The following SKOR2 variants were observed in gnomAD, a reference collection of about 807,000 sequenced individuals.
SKOR2 encodes LBX1 corepressor 1-like protein.
Under a neutral mutation model 69.1 loss-of-function variants are expected in SKOR2, and 47 were observed. The ratio of observed to expected loss-of-function variants is 0.68; its 90% CI spans 0.54 to 0.87. The LOEUF (loss-of-function observed/expected upper bound fraction) is 0.87, where lower values mean the gene tolerates loss of function less well. Ranked by LOEUF, SKOR2 falls within the 40% of genes least tolerant of loss-of-function variation. The probability of loss-of-function intolerance (pLI) is 0.00; values close to 1 mark genes in which losing one functional copy is unlikely to be tolerated. For missense variants in SKOR2, 1,404 were observed against 1,472.2 expected, an observed-to-expected ratio of 0.95 and a Z score of 0.76; for synonymous variants, 717 against 672.6, an observed-to-expected ratio of 1.07 and a Z score of -1.02.
intron 1 of SKOR2, among the ~76,000 whole-genome samples, chr18:47,250,092 C>A (rs2064306047): frequency 6.6e-6 from 1 of 152,148 alleles, no homozygotes; most frequent in Non-Finnish European, 1.5e-5. Flanking sequence ...CAGGAATGAA[C>A]AATTCTTGGG....
chr18:47,246,662 AG>A lies in SKOR2; in HGVS notation c.2521del (p.Leu841TrpfsTer41). The A allele has an allele frequency of 2.7e-6, 4 of 1,468,040 alleles. No individual in the cohort carries two copies. Among genetic ancestry groups the A allele is most frequent in the East Asian group, 2.8e-5 (1 of 36,238 alleles). 90.9% of individuals were successfully genotyped at this position (1,468,040 alleles called of 1,614,324 possible). ...GCCGCCACTCGCCTTCTGGGGGGCC[AG>A]GGGCGGCGGCGGGGGCGGGGGCAGG... ...SDLPPPPPPPLAPQKASGGGS... is the reference protein window; with the variant it reads ...SDLPPPPPPPXAPQKASGGGS... On this transcript the variant is annotated frameshift_variant, in exon 2 of 9. Coordinates refer to ENST00000425639, the MANE Select transcript of SKOR2 (RefSeq NM_001278063.4). LOFTEE classifies it high-confidence loss of function.
chr18:47,247,417 G>T lies in SKOR2; in HGVS notation c.1767C>A (p.Ala589=). ...GGGAGCCCGCGGGGCCAGACCCGGCGGCCGCGGCCCCTGCCCCGGCAGCTG... is the reference window on the plus strand; with the variant it reads ...GGGAGCCCGCGGGGCCAGACCCGGCTGCCGCGGCCCCTGCCCCGGCAGCTG... ...SVAAAGAGAA[A]AGSGPAGSRV... The change falls in exon 2 of 9, where the codon GCC becomes GCA. Residue 589 remains alanine (A), a synonymous_variant. Transcript: ENST00000425639. This position sits in a 1 kb window ranked among gnomAD's most constrained non-coding sequence, Gnocchi z 6.6. 7.7e-7 allele frequency: 1 copy of T among 1,301,544 alleles called. No homozygotes were observed. The highest frequency in any genetic ancestry group is 9.7e-7 in the Non-Finnish European group (1 of 1,027,488). The allele number at this position is 1,301,544 out of a possible 1,614,324, so 80.6% of individuals were successfully genotyped here. A position where few individuals can be genotyped will look rare whatever the true frequency, so the allele number is the denominator to read the frequency against.
intron 4 of SKOR2, among the ~76,000 whole-genome samples, chr18:47,237,897 C>T (rs1047029435): frequency 6.6e-6 from 1 of 152,060 alleles, no homozygotes; most frequent in African/African-American, 2.4e-5. Context: ...AGTCTGGTCT[C>T]GAACTCCTGG....
chr18:47,213,382 T>C (rs2064133839), intron 7 of SKOR2, among the ~76,000 whole-genome samples: 1 of 147,902 alleles, frequency 6.8e-6, no homozygotes, highest in East Asian at 1.9e-4. Flanking sequence ...TATTTATATA[T>C]ATATTTATAT....
rs1050354281 is a variant in SKOR2, at chr18:47,246,603, G to C, written c.2581C>G (p.Pro861Ala). 3.3e-6 allele frequency: 5 copies of C among 1,524,800 alleles called. No individual in the cohort carries two copies. The highest frequency in any genetic ancestry group is 4.4e-6 in the Non-Finnish European group (5 of 1,142,238). The allele number at this position is 1,524,800 out of a possible 1,614,324, so 94.5% of individuals were successfully genotyped here. The change falls in exon 2 of 9, where the codon CCA becomes GCA. Residue 861 changes from proline (P) to alanine (A), a missense_variant. By Grantham distance (27) the Pro-to-Ala change is conservative. Coordinates refer to ENST00000425639, the MANE Select transcript of SKOR2 (RefSeq NM_001278063.4). The part of the protein sequence containing the change: ...SSSPGSPVHH[P>A]SLEEQPSYKD... Reference sequence around the variant, plus strand: ...TAGGAGGGCTGCTCCTCCAGTGATGGATGGTGAACTGGGCTGCCCGGGCTG... The same window carrying C: ...TAGGAGGGCTGCTCCTCCAGTGATGCATGGTGAACTGGGCTGCCCGGGCTG...
chr18:47,220,589 G>A (rs1437083231), intron 6 of SKOR2, among the ~76,000 whole-genome samples: 1 of 152,116 alleles, frequency 6.6e-6, no homozygotes, highest in Non-Finnish European at 1.5e-5. Context: ...TTGTCCTGGT[G>A]CCTTTCTACA....
In SKOR2 at chr18:47,249,283, G is replaced by A. The variant is rs2064302694; in HGVS notation, c.-47-53C>T. On this transcript the variant is annotated intron_variant, in intron 1 of 8. Coordinates refer to ENST00000425639, the MANE Select transcript of SKOR2 (RefSeq NM_001278063.4). ...TTGAGCCTTTTCAGACTAAAACAGAGGGGTGGGATGAATCGCTAACCAAAG... is the reference window on the plus strand; with the variant it reads ...TTGAGCCTTTTCAGACTAAAACAGAAGGGTGGGATGAATCGCTAACCAAAG... 7 of 1,364,480 alleles carry A rather than the reference G, an allele frequency of 5.1e-6. No individual in the cohort carries two copies. In the South Asian group the frequency reaches 9.0e-5, roughly 18 times the overall value. 84.5% of individuals were successfully genotyped at this position (1,364,480 alleles called of 1,614,324 possible).
At chr18:47,221,823 T>C (rs2064162446) in intron 6 of SKOR2, among the ~76,000 whole-genome samples, 1 of 152,186 alleles carries the variant, frequency 6.6e-6, no homozygotes, top group Non-Finnish European at 1.5e-5. Context: ...CTTTAAAAAT[T>C]TTTAAGGCCT....
chr18:47,247,178 GGGTGGTGGTGGT>G lies in SKOR2; in HGVS notation c.1994_2005del (p.His665_His668del), dbSNP rs568565349. 16 of 1,279,052 alleles carry G rather than the reference GGGTGGTGGTGGT, an allele frequency of 1.3e-5. No individual in the cohort carries two copies. The highest frequency in any genetic ancestry group is 4.5e-5 in the South Asian group (2 of 44,126). 79.2% of individuals were successfully genotyped at this position (1,279,052 alleles called of 1,614,324 possible). ...CAGAAGCGGCGACGGCGGCTGCGGG[GGGTGGTGGTGGT>G]GGTGGTGGTGGTGAGGGTGGTGATG... On this transcript the variant is annotated inframe_deletion, in exon 2 of 9. Coordinates refer to ENST00000425639, the MANE Select transcript of SKOR2 (RefSeq NM_001278063.4). The surrounding 1 kb of genome is among the most constrained non-coding windows in gnomAD (Gnocchi z 6.6).
At chr18:47,215,527 A>G (rs773438709) in intron 7 of SKOR2, among the ~76,000 whole-genome samples, 8 of 152,206 alleles carry the variant, frequency 5.3e-5, no homozygotes, top group Non-Finnish European at 1.2e-4. Context: ...TCCAGCAAAG[A>G]TAACGACCTC....
Position 47,248,349 on chromosome 18 carries a change from G to A in SKOR2, c.835C>T (p.Pro279Ser). Reference sequence around the variant, plus strand: ...GGCGGGGGCGCACCCAGCAGGTGGGGGCCCAGCAGACCCCCGCCTCCGGCC... The same window carrying A: ...GGCGGGGGCGCACCCAGCAGGTGGGAGCCCAGCAGACCCCCGCCTCCGGCC... ...AVAGGGGLLGPHLLGAPPPPP... is the reference protein window; with the variant it reads ...AVAGGGGLLGSHLLGAPPPPP... The change falls in exon 2 of 9, where the codon CCC becomes TCC. Residue 279 changes from proline to serine, a missense_variant. By Grantham distance (74) the Pro-to-Ser change is moderately conservative (BLOSUM62 -1). This residue lies in a region of SKOR2 where 1,266 missense variants were observed against 1,309.9 expected (regional missense o/e 0.97). Coordinates refer to ENST00000425639, the MANE Select transcript of SKOR2 (RefSeq NM_001278063.4). The surrounding 1 kb of genome is among the most constrained non-coding windows in gnomAD (Gnocchi z 6.4). The A allele has an allele frequency of 8.0e-7, 1 of 1,257,802 alleles. No homozygotes were observed. The highest frequency in any genetic ancestry group is 9.9e-7 in the Non-Finnish European group (1 of 1,009,478). 77.9% of individuals were successfully genotyped at this position (1,257,802 alleles called of 1,614,324 possible).
intron 4 of SKOR2, among the ~76,000 whole-genome samples, chr18:47,243,553 C>T (rs2064258253): frequency 1.3e-5 from 2 of 152,010 alleles, no homozygotes; most frequent in Non-Finnish European, 2.9e-5. Flanking sequence ...ATTAGAAATT[C>T]CTTGGTAGCA....
At chr18:47,242,548 G>A (rs1210417047) in intron 4 of SKOR2, among the ~76,000 whole-genome samples, 1 of 151,826 alleles carries the variant, frequency 6.6e-6, no homozygotes, top group Non-Finnish European at 1.5e-5. Context: ...ATGAATCATT[G>A]TTACCCCTTG....
chr18:47,231,592 C>T (rs1478846638), intron 4 of SKOR2, among the ~76,000 whole-genome samples: 1 of 151,930 alleles, frequency 6.6e-6, no homozygotes, highest in East Asian at 1.9e-4. Context: ...GCCTATAATC[C>T]CAGCACTTTG....
chr18:47,210,162 T>C (rs1434279199), intron 8 of SKOR2, among the ~76,000 whole-genome samples: 10 of 152,192 alleles, frequency 6.6e-5, no homozygotes. Context: ...GAATGTTCTA[T>C]GCAACGTCAT....
At chr18:47,234,776 G>A (rs1056025963) in intron 4 of SKOR2, among the ~76,000 whole-genome samples, 1 of 148,394 alleles carries the variant, frequency 6.7e-6, no homozygotes, top group Non-Finnish European at 1.5e-5. Flanking sequence ...TAGGAGAATC[G>A]CTTGAACCCA....
intron 4 of SKOR2, 56 bp from the exon 5 acceptor site, chr18:47,231,056 T>C (rs2064196149): frequency 1.3e-6 from 2 of 1,534,806 alleles, no homozygotes; most frequent in African/African-American, 1.4e-5. Context: ...TTCTGTAAGT[T>C]TTCCTTTACA....
intron 4 of SKOR2, among the ~76,000 whole-genome samples, chr18:47,234,134 T>C (rs2064211044): frequency 6.6e-6 from 1 of 152,238 alleles, no homozygotes; most frequent in Non-Finnish European, 1.5e-5. Context: ...TATCTTTTAC[T>C]GGACTGTTGC....
In SKOR2 at chr18:47,248,429, G is replaced by T. The variant is rs1267836155; in HGVS notation, c.755C>A (p.Ala252Asp). The T allele has an allele frequency of 6.5e-7, 1 of 1,533,386 alleles. No homozygotes were observed. Among genetic ancestry groups the T allele is most frequent in the East Asian group, 2.5e-5 (1 of 40,788 alleles). 95.0% of individuals were successfully genotyped at this position (1,533,386 alleles called of 1,614,324 possible). A position where few individuals can be genotyped will look rare whatever the true frequency, so the allele number is the denominator to read the frequency against. Reference protein sequence around the residue: ...RALPQPGAHPACHPLSSVKAA... With the variant: ...RALPQPGAHPDCHPLSSVKAA... The stretch of plus-strand genomic sequence containing the variant: ...CTTCACAGAGCTGAGCGGGTGGCAG[G>T]CGGGGTGCGCGCCCGGCTGGGGCAG... The change falls in exon 2 of 9, where the codon GCC (alanine) becomes GAC (aspartate). Residue 252 changes from alanine to aspartate, a missense_variant. Ala to Asp is a moderately radical substitution (Grantham distance 126). Around this residue, in one of 3 missense-constraint regions of SKOR2, gnomAD observed 1,266 missense variants for 1,309.9 expected, o/e 0.97. Transcript: ENST00000425639. This position sits in a 1 kb window ranked among gnomAD's most constrained non-coding sequence, Gnocchi z 6.4.
Sources: allele counts gnomAD v4.1 joint callset (sites outside exome capture counted in the v4.1 genomes callset), GRCh38; gene constraint gnomAD v4.1.1; regional missense constraint gnomAD v4.1.1; non-coding constraint Gnocchi (gnomAD v3.1); transcripts MANE v1.5; gene names NCBI Gene and HGNC (gene_info 2026-07-23, HGNC 2026-07-21).